The following KIRREL3 variants were observed in gnomAD, a reference collection of about 807,000 sequenced individuals.
KIRREL3 encodes kirre like nephrin family adhesion molecule 3.
Under a neutral mutation model 89.7 loss-of-function variants are expected in KIRREL3, and 36 were observed. The ratio of observed to expected loss-of-function variants is 0.40; its 90% confidence interval spans 0.31 to 0.53. The LOEUF is 0.53. KIRREL3 is among the 20% of genes least tolerant of loss of function. The pLI, the probability that KIRREL3 is intolerant of heterozygous loss-of-function variation, is 0.49. For missense variants in KIRREL3, 864 were observed against 1,056.6 expected, an observed-to-expected ratio of 0.82 and a Z score of 2.53; for synonymous variants, 445 against 441.4, an observed-to-expected ratio of 1.01 and a Z score of -0.10.
At chr11:126,582,294 T>A (rs780621556) in intron 1 of KIRREL3, among the ~76,000 whole-genome samples, 1 of 152,220 alleles carries the variant, frequency 6.6e-6, no homozygotes, top group Non-Finnish European at 1.5e-5. Flanking sequence ...ATTGCAAGGA[T>A]GCACTGCTTG....
At chr11:126,619,576 A>T (rs1295699655) in intron 1 of KIRREL3, among the ~76,000 whole-genome samples, 3 of 152,254 alleles carry the variant, frequency 2.0e-5, no homozygotes, top group Non-Finnish European at 4.4e-5. Flanking sequence ...TTGGTTCTTC[A>T]AGTAATGACC....
In KIRREL3 at chr11:126,427,575, C is replaced by A. The variant is rs539158111; in HGVS notation, c.1806+1604G>T. Reference sequence around the variant, plus strand: ...TCCAAAAGATTCGAAGGCCAGGAATCAAGCTCTTTGGCATGTCTGGAAGGC... The same window carrying A: ...TCCAAAAGATTCGAAGGCCAGGAATAAAGCTCTTTGGCATGTCTGGAAGGC... On this transcript the variant is annotated intron_variant, in intron 15 of 16. Transcript: ENST00000525144. The surrounding 1 kb of genome is among the most constrained non-coding windows in gnomAD (Gnocchi z 5.3). Among the ~76,000 whole-genome samples, 144 of 152,294 alleles carry A rather than the reference C, an allele frequency of 9.5e-4. No individual in the cohort carries two copies. The highest frequency in any genetic ancestry group is 1.9e-3 in the South Asian group (9 of 4,826).
In KIRREL3 at chr11:126,624,579, T is replaced by C. The variant is rs1943703954; in HGVS notation, c.56-61667A>G. ...GTGTGCTTGGAACACTCTACTGTGT[T>C]ATTCACCTGACGGATTAAGCTCAGC... On this transcript the variant is annotated intron_variant, in intron 1 of 16. Coordinates refer to ENST00000525144, the MANE Select transcript of KIRREL3 (RefSeq NM_032531.4). The surrounding 1 kb of genome is among the most constrained non-coding windows in gnomAD (Gnocchi z 6.0). 6.6e-6 allele frequency among the ~76,000 whole-genome samples: 1 copy of C among 152,190 alleles called. No individual in the cohort carries two copies. The highest frequency in any genetic ancestry group is 1.5e-5 in the Non-Finnish European group (1 of 68,042).
At chr11:126,638,635 T>C (rs920973141) in intron 1 of KIRREL3, among the ~76,000 whole-genome samples, 5 of 152,204 alleles carry the variant, frequency 3.3e-5, no homozygotes, top group African/African-American at 1.2e-4. Flanking sequence ...TAATTCTCCC[T>C]CCGTATCTTT....
chr11:126,812,537 C>T lies in KIRREL3; in HGVS notation c.55+187918G>A, dbSNP rs1033694973. On this transcript the variant is annotated intron_variant, in intron 1 of 16. Transcript: ENST00000525144. The surrounding 1 kb of genome is among the most constrained non-coding windows in gnomAD (Gnocchi z 5.2). ...AGTTCTGCCACTCCAGTACTCCGCA[C>T]GGTGTCTGGCACACAGTAGGCACTT... Among the ~76,000 whole-genome samples, 13 of 152,154 alleles carry T rather than the reference C, an allele frequency of 8.5e-5. No individual in the cohort carries two copies. The highest frequency in any genetic ancestry group is 5.8e-4 in the East Asian group (3 of 5,198).
Position 126,528,201 on chromosome 11 carries a change from G to A in KIRREL3, c.134-1514C>T, listed in dbSNP as rs913047094. Among the ~76,000 whole-genome samples, 1 of 152,178 alleles carries A rather than the reference G, an allele frequency of 6.6e-6. No individual in the cohort carries two copies. The highest frequency in any genetic ancestry group is 1.5e-5 in the Non-Finnish European group (1 of 68,034). On this transcript the variant is annotated intron_variant, in intron 2 of 16. Transcript: ENST00000525144. This position sits in a 1 kb window ranked among gnomAD's most constrained non-coding sequence, Gnocchi z 4.6. ...TAACCGAGGCAAAACTGGACCTGGC[G>A]CTCCAGCTGCTGATGCTGTGGCCTC...
rs617957 is a variant in KIRREL3 at position 126,965,606 on chromosome 11, G to A, written c.55+34849C>T. Among the ~76,000 whole-genome samples the A allele has an allele frequency of 0.073, 11,080 of 152,244 alleles. 552 individuals carry two copies. The highest frequency in any genetic ancestry group is 0.18 in the Middle Eastern group (52 of 294). On this transcript the variant is annotated intron_variant, in intron 1 of 16. Coordinates refer to ENST00000525144, the MANE Select transcript of KIRREL3 (RefSeq NM_032531.4). The surrounding 1 kb of genome is among the most constrained non-coding windows in gnomAD (Gnocchi z 4.4). ...CCTGCTTTTGCATTGTCTCAAAACT[G>A]AGCTTTAAATATTATAAAATTTTGG...
intron 2 of KIRREL3, among the ~76,000 whole-genome samples, chr11:126,534,262 T>A (rs1053988884): frequency 5.0e-5 from 1 of 20,176 alleles, no homozygotes; most frequent in African/African-American, 1.9e-4. Context: ...GCTACTGGGG[T>A]GGAAGGGGTA....
At chr11:126,626,244 G>A (rs750433641) in intron 1 of KIRREL3, among the ~76,000 whole-genome samples, 4 of 152,218 alleles carry the variant, frequency 2.6e-5, no homozygotes, top group Non-Finnish European at 5.9e-5. Flanking sequence ...GAGAGTCTCT[G>A]GGGCTGGGTG....
chr11:126,717,089 T>C (rs1386181980), intron 1 of KIRREL3, among the ~76,000 whole-genome samples: 1 of 152,156 alleles, frequency 6.6e-6, no homozygotes, highest in Non-Finnish European at 1.5e-5. Flanking sequence ...ATCTCAAACA[T>C]CACTTTAAAA....
chr11:126,746,793 A>G (rs557259019), intron 1 of KIRREL3, among the ~76,000 whole-genome samples: 5 of 151,792 alleles, frequency 3.3e-5, no homozygotes, highest in African/African-American at 1.2e-4. Flanking sequence ...CCCCTTTCCA[A>G]CTCTTTGGTC....
In KIRREL3 at chr11:126,892,879, C is replaced by T. The variant is rs1223936718; in HGVS notation, c.55+107576G>A. ...GGTAGAGCTTATCTAGTGGATGAAC[C>T]TGCTCCTAGACACAGAGCACTGCCT... On this transcript the variant is annotated intron_variant, in intron 1 of 16. Transcript: ENST00000525144. The surrounding 1 kb of genome is among the most constrained non-coding windows in gnomAD (Gnocchi z 5.4). Among the ~76,000 whole-genome samples, 1 of 152,184 alleles carries T rather than the reference C, an allele frequency of 6.6e-6. No individual in the cohort carries two copies. The highest frequency in any genetic ancestry group is 2.4e-5 in the African/African-American group (1 of 41,436).
At chr11:126,661,918 C>A (rs183241938) in intron 1 of KIRREL3, among the ~76,000 whole-genome samples, 14 of 152,230 alleles carry the variant, frequency 9.2e-5, no homozygotes, top group Non-Finnish European at 1.9e-4. Flanking sequence ...AGTTGAAGAT[C>A]AAACCCAGCC....
In KIRREL3 at chr11:126,872,985, A is replaced by G. The variant is rs1190119294; in HGVS notation, c.55+127470T>C. 1.3e-5 allele frequency among the ~76,000 whole-genome samples: 2 copies of G among 152,174 alleles called. No homozygotes were observed. Among genetic ancestry groups the G allele is most frequent in the African/African-American group, 4.8e-5 (2 of 41,444 alleles). On this transcript the variant is annotated intron_variant, in intron 1 of 16. Transcript: ENST00000525144. The surrounding 1 kb of genome is among the most constrained non-coding windows in gnomAD (Gnocchi z 4.2). ...AAAATTAAAGCAGCCTGCTCCCTCA[A>G]TGGTTATACATTCTGGCACAGAAAT...
chr11:126,668,920 C>T lies in KIRREL3; in HGVS notation c.56-106008G>A, dbSNP rs1201072910. ...AGGGTTAAGAAAATTTGAGCCGTTC[C>T]TTTCCTGCCTATGTTGGGGTGCTGG... On this transcript the variant is annotated intron_variant, in intron 1 of 16. Coordinates refer to ENST00000525144, the MANE Select transcript of KIRREL3 (RefSeq NM_032531.4). This position sits in a 1 kb window ranked among gnomAD's most constrained non-coding sequence, Gnocchi z 4.4. Among the ~76,000 whole-genome samples the T allele has an allele frequency of 6.6e-6, 1 of 151,992 alleles. No homozygotes were observed. The highest frequency in any genetic ancestry group is 2.4e-5 in the African/African-American group (1 of 41,354).
chr11:126,975,938 C>CCCTCCATCCCTCCCTCCCTT (rs767405296), intron 1 of KIRREL3, among the ~76,000 whole-genome samples: 1 of 104,300 alleles, frequency 9.6e-6, no homozygotes, highest in Non-Finnish European at 1.9e-5. Context: ...CTCCCTCCCT[C>CCCTCCATCCCTCCCTCCCTT]CCTTCCTTCC....
rs939829695 is a variant in KIRREL3 at position 126,645,009 on chromosome 11, A to G, written c.56-82097T>C. On this transcript the variant is annotated intron_variant, in intron 1 of 16. Transcript: ENST00000525144. This position sits in a 1 kb window ranked among gnomAD's most constrained non-coding sequence, Gnocchi z 4.9. ...GCCCTGGAAGAGGTGAGGACTTGGG[A>G]TGAACCTTGAGGGAGGGGTTGGGGT... Among the ~76,000 whole-genome samples the G allele has an allele frequency of 2.0e-5, 3 of 152,178 alleles. No individual in the cohort carries two copies. The highest frequency in any genetic ancestry group is 2.0e-4 in the Admixed American group (3 of 15,284).
chr11:126,473,025 CCT>C (rs1434226231), intron 5 of KIRREL3, among the ~76,000 whole-genome samples: 6 of 86,118 alleles, frequency 7.0e-5, no homozygotes, highest in East Asian at 3.5e-4. Flanking sequence ...CCCCCACTAT[CCT>C]CCCCTCTACC....
intron 1 of KIRREL3, among the ~76,000 whole-genome samples, chr11:126,827,713 G>A (rs1030412999): frequency 7.9e-5 from 12 of 152,228 alleles, no homozygotes; most frequent in Non-Finnish European, 1.5e-4. Flanking sequence ...ATTTGGGTAT[G>A]TAAGTTTAGG....
Sources: gnomAD v4.1 joint callset for allele counts (sites outside exome capture counted in the v4.1 genomes callset) on GRCh38, gnomAD v4.1.1 for gene constraint, Gnocchi (gnomAD v3.1) non-coding constraint, MANE v1.5 for transcripts, NCBI Gene and HGNC (gene_info 2026-07-23, HGNC 2026-07-21) for gene names.